NRG1: variants seen among roughly 807,000 people sequenced by gnomAD.
NRG1 encodes the protein pro-neuregulin-1, membrane-bound isoform.
Under a neutral mutation model 63.8 loss-of-function variants are expected in NRG1, and 18 were observed. That is an observed-to-expected ratio of 0.28 (90% confidence interval 0.19 to 0.42). The LOEUF (loss-of-function observed/expected upper bound fraction) is 0.42. NRG1 is among the 10% of genes least tolerant of loss of function. The pLI is 1.00. For missense variants in NRG1, 762 were observed against 814.7 expected (o/e 0.94, Z 0.79); for synonymous variants, 302 against 301.3 (o/e 1.00, Z -0.02).
intron 1 of NRG1, among the ~76,000 whole-genome samples, chr8:31,764,354 A>G (rs1250444607): frequency 6.6e-6 from 1 of 152,150 alleles, no homozygotes; most frequent in Non-Finnish European, 1.5e-5. Context: ...CATCACTACA[A>G]GAATCCTTCA....
intron 1 of NRG1, among the ~76,000 whole-genome samples, chr8:31,779,961 T>G (rs561830573): frequency 1.3e-5 from 2 of 152,302 alleles, no homozygotes; most frequent in African/African-American, 4.8e-5. Flanking sequence ...GATTACAACA[T>G]AAACAAGAAC....
At chr8:32,652,389 T>C (rs928334658) in intron 5 of NRG1, among the ~76,000 whole-genome samples, 1 of 152,300 alleles carries the variant, frequency 6.6e-6, no homozygotes, top group East Asian at 1.9e-4. Context: ...TCTTCCCTCA[T>C]ATATAGCAGA....
At chr8:32,215,472 C>G (rs370494519) in intron 1 of NRG1, among the ~76,000 whole-genome samples, 15 of 152,168 alleles carry the variant, frequency 9.9e-5, no homozygotes, top group Non-Finnish European at 1.8e-4. Context: ...TGTGTGCCAG[C>G]CATCACACTA....
At chr8:32,266,031 G>A (rs1850898748) in intron 1 of NRG1, among the ~76,000 whole-genome samples, 1 of 151,992 alleles carries the variant, frequency 6.6e-6, no homozygotes, top group Non-Finnish European at 1.5e-5. Context: ...GTATCCTTGG[G>A]GGGTCCTGGA....
chr8:32,728,984 C>T (rs1306270280), intron 6 of NRG1, among the ~76,000 whole-genome samples: 3 of 152,116 alleles, frequency 2.0e-5, no homozygotes, highest in African/African-American at 4.8e-5. Flanking sequence ...AGGAGAATGG[C>T]GTGAACCTGG....
At chr8:31,842,085 G>A (rs2129607856) in intron 1 of NRG1, among the ~76,000 whole-genome samples, 1 of 152,256 alleles carries the variant, frequency 6.6e-6, no homozygotes, top group East Asian at 1.9e-4. Context: ...TCCATAATGG[G>A]GGCATAGTTG....
intron 1 of NRG1, 57 bp from the exon 2 acceptor site, chr8:32,595,771 T>C (rs1843240390): frequency 3.3e-6 from 5 of 1,510,642 alleles, no homozygotes; most frequent in Non-Finnish European, 4.5e-6. Context: ...TAAATGTTTC[T>C]CTTTGAAAGA....
rs1425974761 is a variant in NRG1 at position 32,387,469 on chromosome 8, G to C, written c.38-208359G>C. On this transcript the variant is annotated intron_variant, in intron 1 of 10. Coordinates refer to the NRG1 transcript ENST00000519301. ...TCTGTGCCTTGCTATGGTCCTATCT[G>C]ATCTCAAACAAGAAGCTCTTTGGGT... Among the ~76,000 whole-genome samples, 5 of 152,186 alleles carry C rather than the reference G, an allele frequency of 3.3e-5. No individual in the cohort carries two copies. In the East Asian group the frequency reaches 9.6e-4, roughly 29 times the overall value.
At chr8:31,760,641 G>C (rs1817442084) in intron 1 of NRG1, among the ~76,000 whole-genome samples, 1 of 152,132 alleles carries the variant, frequency 6.6e-6, no homozygotes, top group Non-Finnish European at 1.5e-5. Flanking sequence ...AGTGGGCAAA[G>C]GATATGAACA....
At chr8:32,522,420 A>G (rs1588101061) in intron 1 of NRG1, among the ~76,000 whole-genome samples, 1 of 152,284 alleles carries the variant, frequency 6.6e-6, no homozygotes, top group African/African-American at 2.4e-5. Context: ...CTTTCAGCAA[A>G]TGATGTAAAT....
At chr8:32,566,281 TG>T (rs1250389957) in intron 1 of NRG1, among the ~76,000 whole-genome samples, 1 of 142,280 alleles carries the variant, frequency 7.0e-6, no homozygotes, top group Admixed American at 7.8e-5. Flanking sequence ...TGCTTGAACC[TG>T]GGAGGGGGAG....
At chr8:31,975,718 T>C (rs921935316) in intron 1 of NRG1, among the ~76,000 whole-genome samples, 31 of 152,186 alleles carry the variant, frequency 2.0e-4, no homozygotes, top group African/African-American at 7.5e-4. Flanking sequence ...TCTGTGAGTG[T>C]AGACTTCTCC....
intron 1 of NRG1, among the ~76,000 whole-genome samples, chr8:31,896,957 A>G (rs1831625702): frequency 1.3e-5 from 2 of 152,152 alleles, no homozygotes; most frequent in Admixed American, 6.5e-5. Flanking sequence ...ACATGATGGG[A>G]ACTCATGAAG....
intron 1 of NRG1, among the ~76,000 whole-genome samples, chr8:32,572,504 C>T (rs139633426): frequency 9.9e-5 from 15 of 152,264 alleles, no homozygotes; most frequent in African/African-American, 2.6e-4. Flanking sequence ...AGCATAGTGT[C>T]GTCTTAACTG....
chr8:32,218,970 ATT>A (rs1041313645), intron 1 of NRG1, among the ~76,000 whole-genome samples: 9 of 152,194 alleles, frequency 5.9e-5, no homozygotes, highest in Non-Finnish European at 1.0e-4. Context: ...CCGAGTATGT[ATT>A]TTCTGCCAAA....
At chr8:32,297,556 C>T (rs1033055123) in intron 1 of NRG1, among the ~76,000 whole-genome samples, 3 of 152,138 alleles carry the variant, frequency 2.0e-5, no homozygotes, top group Non-Finnish European at 2.9e-5. Flanking sequence ...TGGACCCTTT[C>T]CAGGGTCTCC....
chr8:32,064,429 G>T (rs2130942968), intron 1 of NRG1, among the ~76,000 whole-genome samples: 1 of 152,156 alleles, frequency 6.6e-6, no homozygotes, highest in East Asian at 1.9e-4. Context: ...GATGCTGGCT[G>T]GCAGTGCCCC....
intron 1 of NRG1, among the ~76,000 whole-genome samples, chr8:32,255,862 G>C (rs991378140): frequency 2.6e-5 from 4 of 152,050 alleles, no homozygotes; most frequent in African/African-American, 9.7e-5. Context: ...ATGTAAGTTT[G>C]GTCTTTTCAC....
chr8:32,402,617 G>T (rs1813362323), intron 1 of NRG1, among the ~76,000 whole-genome samples: 1 of 152,094 alleles, frequency 6.6e-6, no homozygotes, highest in East Asian at 1.9e-4. Flanking sequence ...ATGGCAGTAT[G>T]GGGGTGCTTG....
Sources: allele counts gnomAD v4.1 joint callset (sites outside exome capture counted in the v4.1 genomes callset), GRCh38; gene constraint gnomAD v4.1.1; transcripts MANE v1.5; gene names NCBI Gene and HGNC (gene_info 2026-07-23, HGNC 2026-07-21).